Variants in TG observed in about 807,000 individuals in gnomAD.
TG encodes the protein thyroid hormones.
TG carries 270 observed loss-of-function variants against 324.7 expected under a neutral mutation model. That is an observed-to-expected ratio of 0.83 (90% confidence interval 0.75 to 0.92). The LOEUF is 0.92. TG is among the 40% of genes least tolerant of loss of function. The pLI, the probability that TG is intolerant of heterozygous loss-of-function variation, is 0.00. For missense variants in TG, 3,591 were observed against 3,456.4 expected (o/e 1.04, Z -0.98); for synonymous variants, 1,401 against 1,327.0 (o/e 1.06, Z -1.21).
rs1378791397 is a variant in TG, at chr8:132,933,583, C to A, written c.4839C>A (p.Cys1613Ter). The A allele has an allele frequency of 6.2e-7, 1 of 1,613,948 alleles. No homozygotes were observed. Among genetic ancestry groups the A allele is most frequent in the African/African-American group, 1.3e-5 (1 of 74,860 alleles). Residue 1613 changes from cysteine (C) to a stop codon, truncating the protein, a stop_gained, in exon 24 of 48, where the codon TGC becomes TGA. Coordinates refer to ENST00000220616, the MANE Select transcript of TG (RefSeq NM_003235.5). LOFTEE classifies it high-confidence loss of function. ...CLTDCTEDEA[C>*]SFFTVSTTEP... ...CAGATTGCACAGAGGACGAGGCCTGCAGCTTCTTCACCGTGTCCACGACGG... is the reference window on the plus strand; with the variant it reads ...CAGATTGCACAGAGGACGAGGCCTGAAGCTTCTTCACCGTGTCCACGACGG...
In TG at chr8:132,873,046, T is replaced by C. The variant is rs1839646857; in HGVS notation, c.479-16T>C. 4 of 1,614,070 alleles carry C rather than the reference T, an allele frequency of 2.5e-6. No individual in the cohort carries two copies. Among genetic ancestry groups the C allele is most frequent in the South Asian group, 2.2e-5 (2 of 91,048 alleles). ...CTACTCATATATAAGGATTTTTTTTTCGTGAAAATGTTTAGGTCCAAGGAG... is the reference window on the plus strand; with the variant it reads ...CTACTCATATATAAGGATTTTTTTTCCGTGAAAATGTTTAGGTCCAAGGAG... On this transcript the variant is annotated splice_polypyrimidine_tract_variant and intron_variant, in intron 4 of 47. Coordinates refer to ENST00000220616, the MANE Select transcript of TG (RefSeq NM_003235.5).
At chr8:132,991,106 T>G (rs1832276303) in intron 35 of TG, among the ~76,000 whole-genome samples, 1 of 151,690 alleles carries the variant, frequency 6.6e-6, no homozygotes, top group Non-Finnish European at 1.5e-5. Context: ...CGCTGGTCAC[T>G]CATTACCATG....
rs776248623 is a variant in TG at position 132,886,973 on chromosome 8, C to T, written c.1601C>T (p.Thr534Ile). ...TTAGATTCAAATTCTTCCACAGGAA[C>T]CCCTGAAGCTGCTAAGAAGGATGGT... ...VGLDSNSSTG[T>I]PEAAKKDGTM... The change falls in exon 9 of 48, where the codon ACC becomes ATC. Residue 534 changes from threonine (T) to isoleucine (I), a missense_variant. Transcript: ENST00000220616. 9.9e-6 allele frequency: 16 copies of T among 1,614,056 alleles called. 1 individual carries two copies. Among genetic ancestry groups the T allele is most frequent in the South Asian group, 7.7e-5 (7 of 91,076 alleles).
intron 34 of TG, among the ~76,000 whole-genome samples, chr8:132,974,300 T>C (rs564003814): frequency 6.6e-6 from 1 of 152,326 alleles, no homozygotes; most frequent in East Asian, 1.9e-4. Context: ...AGCCACATTC[T>C]TTATTTCACC....
At chr8:133,121,986 G>T (rs7814048) in intron 45 of TG, among the ~76,000 whole-genome samples, 5,344 of 152,024 alleles carry the variant, frequency 0.035, 304 homozygotes, top group African/African-American at 0.12. Context: ...CTCTGCCCCG[G>T]AGCTGTCACA....
rs115781072 is a variant in TG, at chr8:132,967,077, G to A, written c.5686+380G>A. Among the ~76,000 whole-genome samples, 556 of 121,532 alleles carry A rather than the reference G, an allele frequency of 4.6e-3. 8 individuals carry two copies. Among genetic ancestry groups the A allele is most frequent in the African/African-American group, 0.016 (507 of 31,212 alleles). 79.7% of individuals were successfully genotyped at this position (121,532 alleles called of 152,430 possible). ...ATCCATCCATCCATCCCATTCATCCGTCCATCTTTGCATCCCATCCATCCA... is the reference window on the plus strand; with the variant it reads ...ATCCATCCATCCATCCCATTCATCCATCCATCTTTGCATCCCATCCATCCA... On this transcript the variant is annotated intron_variant, in intron 30 of 47. Transcript: ENST00000220616.
At chr8:132,868,362 T>C (rs1839169288) in intron 2 of TG, 139 bp downstream of exon 2, 2 of 788,054 alleles carry the variant, frequency 2.5e-6, no homozygotes, top group Non-Finnish European at 4.3e-6. Context: ...TGGAGGTGCC[T>C]GCCTTTCAGT....
intron 1 of TG, 88 bp from the exon 2 acceptor site, chr8:132,868,026 TG>T: frequency 1.7e-6 from 2 of 1,207,786 alleles, no homozygotes; most frequent in Non-Finnish European, 1.2e-6. Flanking sequence ...ATGATGACCC[TG>T]GAAAAGCATC....
chr8:133,049,818 T>C, intron 41 of TG: 1 of 944,172 alleles, frequency 1.1e-6, no homozygotes, highest in Non-Finnish European at 1.8e-6. Context: ...CTTACCACTA[T>C]GAATGCTGGA....
intron 4 of TG, among the ~76,000 whole-genome samples, chr8:132,872,027 G>T (rs995303431): frequency 6.6e-6 from 1 of 152,138 alleles, no homozygotes; most frequent in Non-Finnish European, 1.5e-5. Context: ...TAACAAAAAA[G>T]TTTAAAAGTA....
intron 35 of TG, among the ~76,000 whole-genome samples, chr8:133,008,936 T>C (rs1192901160): frequency 2.0e-5 from 3 of 152,220 alleles, no homozygotes; most frequent in Non-Finnish European, 4.4e-5. Context: ...TTCTCAGAAT[T>C]TTCATGAGAT....
chr8:132,911,553 T>A lies in TG; in HGVS notation c.4159+20T>A. ...ACATTGGTATGTTTTTCTGTGGTAG[T>A]ACCTAGAATAAGCTATGCAGCCTCT... is the stretch of plus-strand genomic sequence containing the variant. On this transcript the variant is annotated intron_variant, in intron 19 of 47. Coordinates refer to ENST00000220616, the MANE Select transcript of TG (RefSeq NM_003235.5). 1 of 1,594,392 alleles carries A rather than the reference T, an allele frequency of 6.3e-7. No individual in the cohort carries two copies. Among genetic ancestry groups the A allele is most frequent in the African/African-American group, 1.3e-5 (1 of 74,598 alleles).
At chr8:132,898,649 G>A (rs1817476015) in intron 13 of TG, 149 bp from the exon 14 acceptor site, 3 of 721,710 alleles carry the variant, frequency 4.2e-6, no homozygotes, top group Non-Finnish European at 7.4e-6. Flanking sequence ...TGTCCCACAT[G>A]AGTCTTTGTC....
At chr8:133,048,989 T>G (rs1839947877) in intron 41 of TG, 1 of 333,780 alleles carries the variant, frequency 3.0e-6, no homozygotes, top group East Asian at 7.6e-5. Flanking sequence ...CTTCTTTCTT[T>G]TCCATTTCCA....
In TG at chr8:132,983,904, G is replaced by A. The variant is rs184425737; in HGVS notation, c.6262+492G>A. On this transcript the variant is annotated intron_variant, in intron 35 of 47. Coordinates refer to ENST00000220616, the MANE Select transcript of TG (RefSeq NM_003235.5). Reference sequence around the variant, plus strand: ...TGAGTCCAGGAGCCCAGGTGCCCAGGTGCCCGGTAACATAGCCTGGACCCA... The same window carrying A: ...TGAGTCCAGGAGCCCAGGTGCCCAGATGCCCGGTAACATAGCCTGGACCCA... 1.1e-3 allele frequency among the ~76,000 whole-genome samples: 173 copies of A among 152,300 alleles called. 1 individual carries two copies. Among genetic ancestry groups the A allele is most frequent in the Admixed American group, 3.1e-3 (48 of 15,298 alleles).
At chr8:132,913,413 T>TATACACCC in intron 20 of TG, 148 bp downstream of exon 20, 1 of 790,214 alleles carries the variant, frequency 1.3e-6, no homozygotes, top group Non-Finnish European at 2.1e-6. Flanking sequence ...AATCATCTAC[T>TATACACCC]ATGCATGGGT....
intron 27 of TG, among the ~76,000 whole-genome samples, chr8:132,950,243 C>T (rs536949318): frequency 6.6e-6 from 1 of 152,336 alleles, no homozygotes; most frequent in African/African-American, 2.4e-5. Flanking sequence ...AGAACCTGAA[C>T]TGGGAAAGCA....
chr8:132,959,599 A>G (rs979144409), intron 27 of TG, among the ~76,000 whole-genome samples: 4 of 152,218 alleles, frequency 2.6e-5, no homozygotes, highest in African/African-American at 9.7e-5. Context: ...TGCATTTCTC[A>G]GAACATATTC....
intron 23 of TG, among the ~76,000 whole-genome samples, chr8:132,933,330 A>C (rs112361471): frequency 0.013 from 21 of 1,640 alleles, no homozygotes; most frequent in African/African-American, 0.044. Context: ...GTGTGTCTTT[A>C]GGTGTATATT....
Sources: gnomAD v4.1 joint callset for allele counts (sites outside exome capture counted in the v4.1 genomes callset) on GRCh38, gnomAD v4.1.1 for gene constraint, MANE v1.5 for transcripts, NCBI Gene and HGNC (gene_info 2026-07-23, HGNC 2026-07-21) for gene names.